The following KATNIP variants were observed in gnomAD, a reference collection of about 807,000 sequenced individuals.
KATNIP encodes the protein katanin interacting protein, also known as katanin-interacting protein.
KATNIP carries 126 observed loss-of-function variants against 174.0 expected under a neutral mutation model. That is an observed-to-expected ratio of 0.72 (90% CI 0.63 to 0.84). The LOEUF is 0.84. Among genes scored for constraint, KATNIP ranks in the 40% least tolerant of loss-of-function variants. The pLI is 0.00. For missense variants in KATNIP, 1,958 were observed against 2,109.7 expected, an observed-to-expected ratio of 0.93 and a Z score of 1.41; for synonymous variants, 810 against 835.7, an observed-to-expected ratio of 0.97 and a Z score of 0.53.
chr16:27,697,831 C>T (rs1417509751), intron 8 of KATNIP, among the ~76,000 whole-genome samples: 1 of 151,812 alleles, frequency 6.6e-6, no homozygotes, highest in Non-Finnish European at 1.5e-5. Context: ...TGTGTGTAAA[C>T]TATTTGAGAT....
chr16:27,603,721 C>T (rs180726151), intron 2 of KATNIP, among the ~76,000 whole-genome samples: 1 of 147,024 alleles, frequency 6.8e-6, no homozygotes, highest in East Asian at 2.1e-4. Flanking sequence ...CTGAGATTTA[C>T]AGCACTTCCC....
chr16:27,647,536 G>T (rs188380905), intron 5 of KATNIP, among the ~76,000 whole-genome samples: 31 of 141,056 alleles, frequency 2.2e-4, no homozygotes, highest in Admixed American at 2.1e-3. Context: ...ATGGAGTTTC[G>T]CTCTTGTTGC....
chr16:27,704,131 C>G (rs545538202), intron 12 of KATNIP, 133 bp downstream of exon 12: 179 of 680,048 alleles, frequency 2.6e-4, no homozygotes, highest in Non-Finnish European at 2.4e-4. Context: ...CGCCCCCCCC[C>G]TCCCTGGCAC....
At chr16:27,571,388 G>A (rs923140718) in intron 1 of KATNIP, among the ~76,000 whole-genome samples, 1 of 151,108 alleles carries the variant, frequency 6.6e-6, no homozygotes, top group Non-Finnish European at 1.5e-5. Flanking sequence ...TTCTTTATTA[G>A]TATAACATAA....
chr16:27,700,967 A>G (rs963999), intron 10 of KATNIP, among the ~76,000 whole-genome samples: 60,300 of 151,868 alleles, frequency 0.4, 13,500 homozygotes, highest in African/African-American at 0.61. Context: ...CAGAGATTCC[A>G]GGGACTAAAA....
intron 19 of KATNIP, 93 bp downstream of exon 19, chr16:27,761,683 A>G: frequency 8.6e-7 from 1 of 1,156,884 alleles, no homozygotes; most frequent in Non-Finnish European, 1.3e-6. Flanking sequence ...ATCAAATAGA[A>G]TCGCATATGT....
chr16:27,766,166 C>A, intron 19 of KATNIP, 143 bp from the exon 20 acceptor site: 1 of 723,298 alleles, frequency 1.4e-6, no homozygotes, highest in Non-Finnish European at 2.2e-6. Flanking sequence ...TCAGCAGTCA[C>A]ACCTCCCCTT....
chr16:27,740,958 T>A, intron 15 of KATNIP, 38 bp downstream of exon 15: 3 of 1,534,150 alleles, frequency 2.0e-6, no homozygotes, highest in Non-Finnish European at 2.6e-6. Context: ...GGCATCATCA[T>A]CCCAGCCCCT....
chr16:27,704,906 CTTTTTTTTT>C (rs560766968), intron 12 of KATNIP, among the ~76,000 whole-genome samples: 4 of 127,578 alleles, frequency 3.1e-5, no homozygotes, highest in African/African-American at 8.5e-5. Context: ...TCTTTTTTTT[CTTTTTTTTT>C]TTTTTTTTTT....
intron 15 of KATNIP, among the ~76,000 whole-genome samples, chr16:27,742,219 C>T (rs1445973486): frequency 6.6e-6 from 1 of 152,096 alleles, no homozygotes; most frequent in African/African-American, 2.4e-5. Context: ...AGCTAGGAGT[C>T]AAACCATTGA....
intron 5 of KATNIP, among the ~76,000 whole-genome samples, chr16:27,640,653 T>C (rs1439964188): frequency 6.6e-6 from 1 of 151,440 alleles, no homozygotes; most frequent in Non-Finnish European, 1.5e-5. Flanking sequence ...TGTGACCTCC[T>C]TGAGGGCAGG....
At chr16:27,757,173 C>T (rs2081765086) in intron 18 of KATNIP, among the ~76,000 whole-genome samples, 1 of 152,238 alleles carries the variant, frequency 6.6e-6, no homozygotes, top group African/African-American at 2.4e-5. Flanking sequence ...CAGCCTCATA[C>T]TCCTGGGCTC....
chr16:27,667,859 A>T (rs2142587003), intron 6 of KATNIP, among the ~76,000 whole-genome samples: 1 of 152,104 alleles, frequency 6.6e-6, no homozygotes, highest in Non-Finnish European at 1.5e-5. Flanking sequence ...TTTTTTTGTG[A>T]GCTAATCAGG....
intron 2 of KATNIP, among the ~76,000 whole-genome samples, chr16:27,587,932 T>C (rs543696349): frequency 6.6e-6 from 1 of 151,888 alleles, no homozygotes; most frequent in African/African-American, 2.4e-5. Flanking sequence ...TTTTTTTTTT[T>C]TGAGGCAGGG....
chr16:27,689,950 C>A (rs1157772272), intron 8 of KATNIP, among the ~76,000 whole-genome samples: 1 of 152,114 alleles, frequency 6.6e-6, no homozygotes, highest in Non-Finnish European at 1.5e-5. Flanking sequence ...AAGCCCATGC[C>A]TGGGTGCTTT....
chr16:27,708,303 G>A (rs567127566), intron 12 of KATNIP: 7 of 161,146 alleles, frequency 4.3e-5, no homozygotes, highest in East Asian at 3.7e-4. Context: ...GATTACAGGC[G>A]TGAGCCACCG....
chr16:27,687,386 GAT>G (rs2078562859), intron 8 of KATNIP: 1 of 151,924 alleles, frequency 6.6e-6, no homozygotes, highest in Non-Finnish European at 1.5e-5. Flanking sequence ...GTCTGAATTA[GAT>G]AGTCTGCTAT....
chr16:27,717,841 A>G (rs1234702615), intron 13 of KATNIP, among the ~76,000 whole-genome samples: 1 of 152,090 alleles, frequency 6.6e-6, no homozygotes, highest in Non-Finnish European at 1.5e-5. Context: ...CAACATTGGG[A>G]GTTGGTATTT....
chr16:27,661,101 T>C (rs1192906272), intron 6 of KATNIP, among the ~76,000 whole-genome samples: 1 of 152,216 alleles, frequency 6.6e-6, no homozygotes, highest in Non-Finnish European at 1.5e-5. Context: ...TTCCAAACTG[T>C]GAATCAGGAC....
Sources: allele counts gnomAD v4.1 joint callset (sites outside exome capture counted in the v4.1 genomes callset), GRCh38; gene constraint gnomAD v4.1.1; transcripts MANE v1.5; gene names NCBI Gene and HGNC (gene_info 2026-07-23, HGNC 2026-07-21).